The following DOCK8 variants were observed in gnomAD, a reference collection of about 807,000 sequenced individuals.
The protein encoded by DOCK8 is dedicator of cytokinesis protein 8.
DOCK8 carries 141 observed loss-of-function variants against 245.6 expected under a neutral mutation model. The observed-to-expected ratio is 0.57, with a 90% CI of 0.50 to 0.66. DOCK8 has a LOEUF of 0.66. Among genes scored for constraint, DOCK8 ranks in the 30% least tolerant of loss-of-function variants. The pLI is 0.00. For missense variants in DOCK8, 2,965 were observed against 2,603.4 expected (o/e 1.14, Z -3.02); for synonymous variants, 1,168 against 970.2 (o/e 1.20, Z -3.79).
intron 5 of DOCK8, among the ~76,000 whole-genome samples, chr9:307,736 A>T (rs2130641854): frequency 6.6e-6 from 1 of 152,276 alleles, no homozygotes; most frequent in Non-Finnish European, 1.5e-5. Context: ...AGGAAAGGAT[A>T]TCAGTATATC....
intron 18 of DOCK8, 112 bp from the exon 19 acceptor site, chr9:376,098 A>C (rs2053503459): frequency 1.2e-6 from 1 of 812,850 alleles, no homozygotes. Flanking sequence ...TTTTCAAGAG[A>C]GTTCTGTATT....
chr9:234,202 T>A (rs1326991178), intron 1 of DOCK8, among the ~76,000 whole-genome samples: 1 of 152,222 alleles, frequency 6.6e-6, no homozygotes, highest in African/African-American at 2.4e-5. Context: ...AATTCTTTCC[T>A]TTCAGAATGT....
intron 1 of DOCK8, among the ~76,000 whole-genome samples, chr9:234,867 T>C (rs2047208810): frequency 6.6e-6 from 1 of 152,160 alleles, no homozygotes; most frequent in Non-Finnish European, 1.5e-5. Flanking sequence ...TCAGAGTAGT[T>C]TGATCGTCTG....
chr9:401,382 G>A (rs62531871), intron 26 of DOCK8, among the ~76,000 whole-genome samples: 46,997 of 151,906 alleles, frequency 0.31, 7,743 homozygotes, highest in East Asian at 0.5. Context: ...AGGAGCAGGG[G>A]AACTCCCAGG....
intron 11 of DOCK8, 54 bp from the exon 12 acceptor site, chr9:336,528 C>T (rs976356294): frequency 1.9e-6 from 3 of 1,611,118 alleles, no homozygotes; most frequent in Admixed American, 1.7e-5. Flanking sequence ...TTAATAACTG[C>T]TGTGTGTTTG....
intron 26 of DOCK8, among the ~76,000 whole-genome samples, chr9:400,691 T>TCCA (rs1199936830): frequency 1.5e-4 from 7 of 48,128 alleles, no homozygotes; most frequent in Non-Finnish European, 6.9e-5. Flanking sequence ...CACCACCACC[T>TCCA]CCACCACCAC....
At chr9:434,676 G>A (rs570724289) in intron 38 of DOCK8, 107 bp from the exon 39 acceptor site, 215 of 1,160,160 alleles carry the variant, frequency 1.9e-4, no homozygotes, top group Non-Finnish European at 2.6e-4. Flanking sequence ...AGGTGGAGGG[G>A]TACAGGGAAC....
chr9:416,758 A>G (rs148952225), intron 29 of DOCK8, among the ~76,000 whole-genome samples: 72 of 152,298 alleles, frequency 4.7e-4, no homozygotes, highest in African/African-American at 1.6e-3. Context: ...TGTGATAACG[A>G]TGTCTACCTT....
At chr9:291,460 G>GATTATAAT (rs1467380998) in intron 4 of DOCK8, among the ~76,000 whole-genome samples, 1 of 152,072 alleles carries the variant, frequency 6.6e-6, no homozygotes, top group Non-Finnish European at 1.5e-5. Context: ...AACTAAATAA[G>GATTATAAT]ATTATAATAT....
intron 24 of DOCK8, among the ~76,000 whole-genome samples, chr9:393,560 T>G (rs2054302340): frequency 1.3e-5 from 2 of 152,216 alleles, no homozygotes; most frequent in African/African-American, 4.8e-5. Context: ...ACCACTTCAC[T>G]GCCCCTAACT....
At chr9:407,740 A>G (rs905429711) in intron 28 of DOCK8, among the ~76,000 whole-genome samples, 3 of 152,146 alleles carry the variant, frequency 2.0e-5, no homozygotes, top group Non-Finnish European at 2.9e-5. Flanking sequence ...TGCCTTCTAA[A>G]ATATTATTCA....
At chr9:278,921 TA>T (rs890587392) in intron 2 of DOCK8, among the ~76,000 whole-genome samples, 1 of 152,138 alleles carries the variant, frequency 6.6e-6, no homozygotes, top group Non-Finnish European at 1.5e-5. Context: ...TTTGACTTTT[TA>T]TGAGGATCAC....
At chr9:372,048 C>G (rs2053309355) in intron 17 of DOCK8, 137 bp from the exon 18 acceptor site, 1 of 774,158 alleles carries the variant, frequency 1.3e-6, no homozygotes, top group Non-Finnish European at 2.2e-6. Context: ...AAGAACTGGA[C>G]AGAAATTACT....
Position 390,510 on chromosome 9 carries a change from A to G in DOCK8, c.2914A>G (p.Thr972Ala). ...GCTTGCCCTTCAGATGGTGGTCAGCACCGGAATGGTGAGAGAAACAGTCTT... is the reference window on the plus strand; with the variant it reads ...GCTTGCCCTTCAGATGGTGGTCAGCGCCGGAATGGTGAGAGAAACAGTCTT... ...EELALQMVVS[T>A]GMVRETVFKY... The change falls in exon 24 of 48, where the codon ACC becomes GCC. Residue 972 changes from threonine (T) to alanine (A), a missense_variant. Transcript: ENST00000432829. 6.2e-7 allele frequency: 1 copy of G among 1,614,194 alleles called. No individual in the cohort carries two copies. Among genetic ancestry groups the G allele is most frequent in the Non-Finnish European group, 8.5e-7 (1 of 1,180,020 alleles).
intron 15 of DOCK8, chr9:369,981 T>C: frequency 1.9e-6 from 1 of 521,026 alleles, no homozygotes; most frequent in Admixed American, 3.1e-5. Flanking sequence ...TTTGTATTTT[T>C]TTGTAGAGAT....
chr9:415,821 T>G (rs1036426362), intron 29 of DOCK8, among the ~76,000 whole-genome samples: 1 of 152,202 alleles, frequency 6.6e-6, no homozygotes, highest in Non-Finnish European at 1.5e-5. Flanking sequence ...TGGGCAATGC[T>G]TCCCTGAGCC....
chr9:362,100 G>C (rs1156559372), intron 14 of DOCK8, among the ~76,000 whole-genome samples: 3 of 152,140 alleles, frequency 2.0e-5, no homozygotes, highest in Non-Finnish European at 4.4e-5. Flanking sequence ...TCAGATTACA[G>C]AAGGCTTGGG....
intron 4 of DOCK8, among the ~76,000 whole-genome samples, chr9:301,842 G>C (rs1375542144): frequency 6.6e-6 from 1 of 152,174 alleles, no homozygotes; most frequent in Non-Finnish European, 1.5e-5. Flanking sequence ...AAAGAGATCA[G>C]AGGTGATACA....
At chr9:401,072 A>G (rs1180193611) in intron 26 of DOCK8, among the ~76,000 whole-genome samples, 1 of 17,978 alleles carries the variant, frequency 5.6e-5, no homozygotes, top group Non-Finnish European at 2.8e-4. Context: ...TGTCACCATC[A>G]TCACCACCAC....
Sources: allele counts gnomAD v4.1 joint callset (sites outside exome capture counted in the v4.1 genomes callset), GRCh38; gene constraint gnomAD v4.1.1; transcripts MANE v1.5; gene names NCBI Gene and HGNC (gene_info 2026-07-23, HGNC 2026-07-21).